Variants in TUBB3 observed in about 807,000 individuals in gnomAD.
TUBB3 encodes the protein tubulin beta 3 class III, also known as tubulin beta-3 chain.
Under a neutral mutation model 37.8 loss-of-function variants are expected in TUBB3, and 17 were observed. The ratio of observed to expected loss-of-function variants is 0.45; its 90% CI spans 0.31 to 0.67. TUBB3 has a LOEUF of 0.67. TUBB3 is among the 30% of genes least tolerant of loss of function. The pLI is 0.07. For missense variants in TUBB3, 262 were observed against 657.9 expected (o/e 0.40, Z 6.58); for synonymous variants, 332 against 278.9 (o/e 1.19, Z -1.90).
chr16:89,932,997 T>TGGAG, intron 2 of TUBB3: 2 of 503,080 alleles, frequency 4.0e-6, no homozygotes, highest in South Asian at 4.1e-5. Flanking sequence ...AGGGGTCACC[T>TGGAG]GGAGGGCTTA....
intron 2 of TUBB3, 111 bp from the exon 3 acceptor site, chr16:89,933,357 G>A (rs1328228431): frequency 2.0e-5 from 18 of 922,324 alleles, no homozygotes; most frequent in Non-Finnish European, 2.9e-5. Context: ...CAGAGTACAG[G>A]CTCTTAGGAT....
intron 1 of TUBB3, among the ~76,000 whole-genome samples, chr16:89,927,803 T>C (rs2030139744): frequency 6.6e-6 from 1 of 152,214 alleles, no homozygotes; most frequent in Non-Finnish European, 1.5e-5. Flanking sequence ...TCCACTCTGC[T>C]CCATTGCTCC....
At chr16:89,933,334 A>C (rs530278665) in intron 2 of TUBB3, 134 bp from the exon 3 acceptor site, 2 of 832,562 alleles carry the variant, frequency 2.4e-6, no homozygotes, top group Non-Finnish European at 4.2e-6. Context: ...CCTTTGGTCC[A>C]GGACTCTGAC....
chr16:89,928,146 C>T (rs1455406023), intron 1 of TUBB3, among the ~76,000 whole-genome samples: 1 of 152,182 alleles, frequency 6.6e-6, no homozygotes, highest in Admixed American at 6.5e-5. Flanking sequence ...CCTCCACCCC[C>T]CTGGCTCAAG....
Position 89,935,834 on chromosome 16 carries a change from T to C in TUBB3, c.*30T>C. ...GCTCGCAGCTGGAGTGAGAGGCAGGTGGCGGCCGGGGCCGAAGCCAGCAGT... is the reference window on the plus strand; with the variant it reads ...GCTCGCAGCTGGAGTGAGAGGCAGGCGGCGGCCGGGGCCGAAGCCAGCAGT... On this transcript the variant is annotated 3_prime_UTR_variant, in exon 4 of 4. Transcript: ENST00000315491. 6.2e-7 allele frequency: 1 copy of C among 1,602,594 alleles called. No homozygotes were observed.
chr16:89,923,796 T>C (rs1183268794), intron 1 of TUBB3, among the ~76,000 whole-genome samples: 2 of 151,942 alleles, frequency 1.3e-5, no homozygotes, highest in Non-Finnish European at 1.5e-5. Flanking sequence ...GTGGCCCTCT[T>C]TTTTGGGGCC....
rs1597425512 is a variant in TUBB3, at chr16:89,935,873, G to A, written c.*69G>A. On this transcript the variant is annotated 3_prime_UTR_variant, in exon 4 of 4. Coordinates refer to ENST00000315491, the MANE Select transcript of TUBB3 (RefSeq NM_006086.4). ...GAAGCCAGCAGTGTCTAAACCCCCG[G>A]AGCCATCTTGCTGCCGACACCCTGC... is the stretch of plus-strand genomic sequence containing the variant. 1 of 1,530,156 alleles carries A rather than the reference G, an allele frequency of 6.5e-7. No homozygotes were observed. Among genetic ancestry groups the A allele is most frequent in the East Asian group, 2.4e-5 (1 of 41,414 alleles). 94.8% of individuals were successfully genotyped at this position (1,530,156 alleles called of 1,614,324 possible).
At chr16:89,933,186 C>T (rs1308960953) in intron 2 of TUBB3, 2 of 663,752 alleles carry the variant, frequency 3.0e-6, no homozygotes, top group Admixed American at 4.1e-5. Flanking sequence ...CCTTGGCCTC[C>T]CAAAGTGTTG....
chr16:89,923,739 C>T (rs1258839195), intron 1 of TUBB3, among the ~76,000 whole-genome samples: 2 of 152,180 alleles, frequency 1.3e-5, no homozygotes, highest in East Asian at 1.9e-4. Flanking sequence ...ACACCTGCAC[C>T]CCCTCCACCG....
chr16:89,926,250 C>A (rs1219866826), intron 1 of TUBB3, among the ~76,000 whole-genome samples: 4 of 152,082 alleles, frequency 2.6e-5, no homozygotes, highest in African/African-American at 9.7e-5. Flanking sequence ...CGCCTCCTCG[C>A]GGCTGCGGGG....
intron 1 of TUBB3, among the ~76,000 whole-genome samples, chr16:89,926,819 G>C (rs1446193293): frequency 6.6e-6 from 1 of 152,148 alleles, no homozygotes; most frequent in East Asian, 1.9e-4. Context: ...CTGGGTTCAA[G>C]CTATTCTCCT....
chr16:89,933,169 C>A (rs2030333076), intron 2 of TUBB3: 2 of 651,806 alleles, frequency 3.1e-6, no homozygotes, highest in African/African-American at 3.5e-5. Context: ...CTCAAGCGAT[C>A]CACCTGCCTT....
At chr16:89,933,209 C>T (rs547254634) in intron 2 of TUBB3, 9 of 678,500 alleles carry the variant, frequency 1.3e-5, no homozygotes, top group Admixed American at 4.1e-5. Flanking sequence ...AGTGCAGACA[C>T]GAGCCCCTGC....
At chr16:89,933,148 G>A (rs879577941) in intron 2 of TUBB3, 41 of 622,592 alleles carry the variant, frequency 6.6e-5, no homozygotes, top group Non-Finnish European at 1.2e-4. Context: ...GGCTGGTCTC[G>A]AACTCCTGGA....
chr16:89,925,173 C>A (rs937525462), intron 1 of TUBB3, among the ~76,000 whole-genome samples: 2 of 152,198 alleles, frequency 1.3e-5, no homozygotes, highest in Non-Finnish European at 2.9e-5. Flanking sequence ...GAGCCCTTGT[C>A]CCCTGGACCG....
chr16:89,933,344 C>G, intron 2 of TUBB3, 124 bp from the exon 3 acceptor site: 1 of 872,248 alleles, frequency 1.1e-6, no homozygotes, highest in Non-Finnish European at 2.0e-6. Context: ...AGGACTCTGA[C>G]TTCAGAGTAC....
At chr16:89,923,546 C>G (rs1184283708) in intron 1 of TUBB3, 88 bp downstream of exon 1, 1 of 1,222,410 alleles carries the variant, frequency 8.2e-7, no homozygotes, top group Non-Finnish European at 1.0e-6. Flanking sequence ...CAGCTGCCCC[C>G]GCCCCTGCGA....
intron 1 of TUBB3, chr16:89,931,591 C>T (rs1247807226): frequency 6.4e-6 from 1 of 155,428 alleles, no homozygotes; most frequent in Non-Finnish European, 1.4e-5. Context: ...ATAGATAGTT[C>T]TACGTTTGCC....
chr16:89,932,137 C>T, intron 1 of TUBB3: 1 of 318,356 alleles, frequency 3.1e-6, no homozygotes, highest in South Asian at 2.7e-5. Context: ...CTCTGGGCCT[C>T]TGAACCCTGC....
Sources: gnomAD v4.1 joint callset for allele counts (sites outside exome capture counted in the v4.1 genomes callset) on GRCh38, gnomAD v4.1.1 for gene constraint, MANE v1.5 for transcripts, NCBI Gene and HGNC (gene_info 2026-07-23, HGNC 2026-07-21) for gene names.